CTNND2: variants seen among roughly 807,000 people sequenced by gnomAD.
CTNND2 encodes catenin delta-2.
In CTNND2, 22 loss-of-function variants were observed where a neutral mutation model predicts 144.4. That is an observed-to-expected ratio of 0.15 (90% CI 0.11 to 0.22). The LOEUF (loss-of-function observed/expected upper bound fraction) is 0.22. Ranked by LOEUF, CTNND2 falls within the 10% of genes least tolerant of loss-of-function variation. The pLI, the probability that CTNND2 is intolerant of heterozygous loss-of-function variation, is 1.00. For synonymous variants in CTNND2, 751 were observed against 695.6 expected (o/e 1.08, Z -1.25); for missense variants, 1,353 against 1,618.8 (o/e 0.84, Z 2.82).
chr5:11,156,687 A>T (rs937270098), intron 12 of CTNND2, among the ~76,000 whole-genome samples: 3 of 151,316 alleles, frequency 2.0e-5, no homozygotes, highest in Admixed American at 1.3e-4. Flanking sequence ...ACAAAAAGGC[A>T]CCCACAGTTC....
At chr5:11,367,164 T>C (rs1757063599) in intron 7 of CTNND2, among the ~76,000 whole-genome samples, 1 of 152,226 alleles carries the variant, frequency 6.6e-6, no homozygotes, top group East Asian at 1.9e-4. Flanking sequence ...GCCTTATGCA[T>C]AGTTCTGAAT....
rs187319394 is a variant in CTNND2 at position 11,126,834 on chromosome 5, A to T, written c.2160-9267T>A. 1.1e-4 allele frequency among the ~76,000 whole-genome samples: 17 copies of T among 152,370 alleles called. No individual in the cohort carries two copies. In the East Asian group the frequency reaches 2.9e-3, roughly 26 times the overall value. ...AGTTATTTTCCTTCACACTTACAGC[A>T]GCAAGTCATGGGTGGTAACTTAAAA... is the stretch of plus-strand genomic sequence containing the variant. On this transcript the variant is annotated intron_variant, in intron 12 of 21. Coordinates refer to ENST00000304623, the MANE Select transcript of CTNND2 (RefSeq NM_001332.4).
In CTNND2 at chr5:11,023,047, G is replaced by A; in HGVS notation, c.2789-68C>T. On this transcript the variant is annotated intron_variant, in intron 16 of 21. Transcript: ENST00000304623. The stretch of plus-strand genomic sequence containing the variant: ...TGAAGGCAGAGATAGTGGCAGAGGT[G>A]GGTATGGGGGAGAAGAGAATACGAG... The A allele has an allele frequency of 2.1e-6, 3 of 1,411,666 alleles. No individual in the cohort carries two copies. In the South Asian group the frequency reaches 3.5e-5, roughly 16 times the overall value. The allele number at this position is 1,411,666 out of a possible 1,614,324, so 87.4% of individuals were successfully genotyped here. A position where few individuals can be genotyped will look rare whatever the true frequency, so the allele number is the denominator to read the frequency against.
intron 11 of CTNND2, among the ~76,000 whole-genome samples, chr5:11,169,986 C>T (rs1414542623): frequency 6.6e-6 from 1 of 152,152 alleles, no homozygotes; most frequent in Non-Finnish European, 1.5e-5. Context: ...AAATATCTAA[C>T]ATCTTTGAGT....
intron 3 of CTNND2, among the ~76,000 whole-genome samples, chr5:11,552,697 C>T (rs139781288): frequency 6.6e-6 from 1 of 152,182 alleles, no homozygotes; most frequent in African/African-American, 2.4e-5. Flanking sequence ...TGCTATACCC[C>T]CCTTCCTTTT....
At chr5:11,284,947 C>T (rs963038377) in intron 9 of CTNND2, among the ~76,000 whole-genome samples, 18 of 152,316 alleles carry the variant, frequency 1.2e-4, no homozygotes, top group Admixed American at 3.9e-4. Flanking sequence ...GGTCTGGTGG[C>T]CTGACAGAGC....
chr5:11,890,250 G>A (rs1736853560), intron 1 of CTNND2, among the ~76,000 whole-genome samples: 1 of 152,032 alleles, frequency 6.6e-6, no homozygotes, highest in African/African-American at 2.4e-5. Context: ...ATTAAATCAT[G>A]AACCAAAAGT....
intron 2 of CTNND2, among the ~76,000 whole-genome samples, chr5:11,681,826 G>GA (rs1451809384): frequency 2.0e-5 from 3 of 152,182 alleles, no homozygotes; most frequent in Admixed American, 1.3e-4. Flanking sequence ...TACCTGCTTT[G>GA]AAAATCTACT....
intron 2 of CTNND2, among the ~76,000 whole-genome samples, chr5:11,621,228 T>G (rs1343171271): frequency 1.3e-5 from 2 of 152,232 alleles, no homozygotes; most frequent in Non-Finnish European, 2.9e-5. Context: ...TAAAAAGTAA[T>G]TTTGTAATAT....
chr5:11,609,034 C>T (rs943142836), intron 2 of CTNND2, among the ~76,000 whole-genome samples: 2 of 152,156 alleles, frequency 1.3e-5, no homozygotes, highest in African/African-American at 4.8e-5. Context: ...CGTCACATGG[C>T]TTCCTCTACT....
At chr5:11,248,915 G>A (rs762840798) in intron 9 of CTNND2, among the ~76,000 whole-genome samples, 26 of 152,260 alleles carry the variant, frequency 1.7e-4, no homozygotes, top group Non-Finnish European at 2.2e-4. Flanking sequence ...TTAGTTCTTC[G>A]AAGAATGCCA....
intron 1 of CTNND2, among the ~76,000 whole-genome samples, chr5:11,835,652 C>T (rs933478271): frequency 4.6e-5 from 7 of 152,182 alleles, no homozygotes; most frequent in South Asian, 4.2e-4. Flanking sequence ...TAGTATGTAA[C>T]GATATTCCCA....
intron 1 of CTNND2, among the ~76,000 whole-genome samples, chr5:11,812,954 T>A (rs1236891462): frequency 6.6e-6 from 1 of 152,114 alleles, no homozygotes; most frequent in African/African-American, 2.4e-5. Flanking sequence ...TAACCCAAAC[T>A]ATCACCCCCC....
intron 3 of CTNND2, among the ~76,000 whole-genome samples, chr5:11,447,092 C>T (rs1437998674): frequency 6.6e-6 from 1 of 152,112 alleles, no homozygotes; most frequent in Non-Finnish European, 1.5e-5. Context: ...TATAAGACAC[C>T]TTATCTGTCA....
intron 1 of CTNND2, among the ~76,000 whole-genome samples, chr5:11,784,425 T>C (rs949630344): frequency 6.6e-6 from 1 of 152,200 alleles, no homozygotes; most frequent in Non-Finnish European, 1.5e-5. Context: ...GGGGATGTGA[T>C]AGGCAAAACT....
intron 3 of CTNND2, among the ~76,000 whole-genome samples, chr5:11,424,871 C>A (rs955328496): frequency 6.6e-6 from 1 of 151,904 alleles, no homozygotes; most frequent in African/African-American, 2.4e-5. Context: ...AAAAAGAAAC[C>A]ATTGTTGACT....
chr5:11,359,314 T>C (rs1002651083), intron 8 of CTNND2, among the ~76,000 whole-genome samples: 5 of 152,202 alleles, frequency 3.3e-5, no homozygotes, highest in African/African-American at 1.2e-4. Flanking sequence ...GCCCAAATAT[T>C]AGGGGGATGG....
chr5:11,184,518 A>C (rs1437997040), intron 11 of CTNND2, among the ~76,000 whole-genome samples: 1 of 152,206 alleles, frequency 6.6e-6, no homozygotes, highest in Non-Finnish European at 1.5e-5. Flanking sequence ...TATGTATCAT[A>C]ATTTTAAGTG....
chr5:11,408,486 T>C (rs1303021948), intron 5 of CTNND2, among the ~76,000 whole-genome samples: 1 of 152,160 alleles, frequency 6.6e-6, no homozygotes, highest in African/African-American at 2.4e-5. Flanking sequence ...TCCTTCCGCA[T>C]ACAACTTTTG....
Sources: gnomAD v4.1 joint callset for allele counts (sites outside exome capture counted in the v4.1 genomes callset) on GRCh38, gnomAD v4.1.1 for gene constraint, MANE v1.5 for transcripts, NCBI Gene and HGNC (gene_info 2026-07-23, HGNC 2026-07-21) for gene names.